RNGTT: variants seen among roughly 807,000 people sequenced by gnomAD.
RNGTT encodes mRNA-capping enzyme.
A neutral mutation model predicts 79.3 loss-of-function variants in RNGTT; 33 were observed. The ratio of observed to expected loss-of-function variants is 0.42; its 90% CI spans 0.32 to 0.56. The LOEUF (loss-of-function observed/expected upper bound fraction) is 0.56, where lower values mean the gene tolerates loss of function less well. Among genes scored for constraint, RNGTT ranks in the 20% least tolerant of loss-of-function variants. The probability of loss-of-function intolerance (pLI) is 0.17; values close to 1 mark genes in which losing one functional copy is unlikely to be tolerated. For synonymous variants in RNGTT, 222 were observed against 235.9 expected (o/e 0.94, Z 0.54); for missense variants, 497 against 739.1 (o/e 0.67, Z 3.80).
chr6:88,904,282 A>G (rs1332093082), intron 6 of RNGTT, among the ~76,000 whole-genome samples: 1 of 152,178 alleles, frequency 6.6e-6, no homozygotes, highest in Non-Finnish European at 1.5e-5. Context: ...GCTATTAAGA[A>G]CCTTTAAAGG....
chr6:88,851,315 T>C (rs1447083583), intron 9 of RNGTT, among the ~76,000 whole-genome samples: 1 of 151,952 alleles, frequency 6.6e-6, no homozygotes, highest in Non-Finnish European at 1.5e-5. Context: ...ACATGTTATA[T>C]AATTATTAGC....
intron 8 of RNGTT, among the ~76,000 whole-genome samples, chr6:88,881,050 C>G (rs961940837): frequency 1.3e-5 from 2 of 152,150 alleles, no homozygotes; most frequent in Non-Finnish European, 2.9e-5. Flanking sequence ...TGACTCCCCC[C>G]TCCTGGGGAA....
At chr6:88,661,260 T>C (rs566007403) in intron 14 of RNGTT, among the ~76,000 whole-genome samples, 2 of 151,330 alleles carry the variant, frequency 1.3e-5, no homozygotes, top group Non-Finnish European at 2.9e-5. Context: ...CCCAAGAAAC[T>C]AGAGAAACAA....
At chr6:88,747,306 C>T (rs943683150) in intron 13 of RNGTT, among the ~76,000 whole-genome samples, 4 of 152,148 alleles carry the variant, frequency 2.6e-5, no homozygotes, top group African/African-American at 7.2e-5. Context: ...AATTATAAAC[C>T]TCAACCTTTT....
At chr6:88,818,010 C>T (rs988273864) in intron 11 of RNGTT, among the ~76,000 whole-genome samples, 2 of 151,650 alleles carry the variant, frequency 1.3e-5, no homozygotes, top group Non-Finnish European at 2.9e-5. Flanking sequence ...CCGCCCGTCT[C>T]GGCCTCCCAA....
intron 14 of RNGTT, among the ~76,000 whole-genome samples, chr6:88,671,102 A>C (rs1167161402): frequency 2.0e-5 from 3 of 152,236 alleles, no homozygotes; most frequent in Non-Finnish European, 4.4e-5. Flanking sequence ...AGTCCTAGCC[A>C]GGGCAATCAG....
At chr6:88,735,097 C>G (rs1777240588) in intron 13 of RNGTT, among the ~76,000 whole-genome samples, 1 of 152,096 alleles carries the variant, frequency 6.6e-6, no homozygotes. Flanking sequence ...TGGAGTATTA[C>G]TTAATGATAA....
At chr6:88,944,432 T>C (rs562981672) in intron 1 of RNGTT, among the ~76,000 whole-genome samples, 1 of 152,248 alleles carries the variant, frequency 6.6e-6, no homozygotes, top group East Asian at 1.9e-4. Flanking sequence ...AGTTAATCTA[T>C]AAACCTTTCT....
intron 15 of RNGTT, 50 bp from the exon 16 acceptor site, chr6:88,612,932 G>T: frequency 1.9e-6 from 3 of 1,551,636 alleles, no homozygotes; most frequent in South Asian, 2.3e-5. Flanking sequence ...TAAGGCAGCT[G>T]ACTCACCACA....
At chr6:88,715,706 G>T (rs1776486135) in intron 13 of RNGTT, among the ~76,000 whole-genome samples, 1 of 152,122 alleles carries the variant, frequency 6.6e-6, no homozygotes, top group Admixed American at 6.6e-5. Flanking sequence ...ACAAAAACAA[G>T]AAATGGGGAA....
intron 13 of RNGTT, among the ~76,000 whole-genome samples, chr6:88,760,052 A>G (rs1454441239): frequency 6.6e-6 from 1 of 152,236 alleles, no homozygotes; most frequent in East Asian, 1.9e-4. Flanking sequence ...GTTAAAATGA[A>G]TATGAAAATT....
chr6:88,853,461 C>T (rs544315772), intron 9 of RNGTT, among the ~76,000 whole-genome samples, 168 bp downstream of exon 9: 13 of 150,968 alleles, frequency 8.6e-5, no homozygotes, highest in Middle Eastern at 3.4e-3. Flanking sequence ...ACCGAGATCC[C>T]GCCACTGCAC....
chr6:88,693,936 G>A (rs571889742), intron 13 of RNGTT, among the ~76,000 whole-genome samples: 4 of 152,148 alleles, frequency 2.6e-5, no homozygotes, highest in East Asian at 3.9e-4. Context: ...AAATAGGTAC[G>A]AATAAAATGT....
At chr6:88,926,968 C>CGTAA (rs1562039731) in intron 4 of RNGTT, among the ~76,000 whole-genome samples, 1 of 152,020 alleles carries the variant, frequency 6.6e-6, no homozygotes, top group African/African-American at 2.4e-5. Context: ...TTTTATCTTA[C>CGTAA]GTTCTCAATA....
At chr6:88,755,830 G>A (rs1047742293) in intron 13 of RNGTT, among the ~76,000 whole-genome samples, 4 of 151,376 alleles carry the variant, frequency 2.6e-5, no homozygotes, top group African/African-American at 4.9e-5. Flanking sequence ...GCATGGTGGC[G>A]GGCGCCTGTA....
At chr6:88,753,687 G>A (rs1777914045) in intron 13 of RNGTT, among the ~76,000 whole-genome samples, 1 of 151,742 alleles carries the variant, frequency 6.6e-6, no homozygotes, top group Admixed American at 6.6e-5. Context: ...TTAAATAATT[G>A]TTAAAAATAG....
intron 13 of RNGTT, among the ~76,000 whole-genome samples, chr6:88,713,573 T>G (rs1364879707): frequency 6.6e-6 from 1 of 152,192 alleles, no homozygotes. Context: ...TGTCTTATAT[T>G]GTGTATGTAT....
chr6:88,897,539 T>A (rs1783292926), intron 6 of RNGTT, among the ~76,000 whole-genome samples: 1 of 152,224 alleles, frequency 6.6e-6, no homozygotes, highest in Non-Finnish European at 1.5e-5. Flanking sequence ...CTTGAATTTA[T>A]CCCATACTAA....
At chr6:88,797,466 G>C (rs185650400) in intron 12 of RNGTT, among the ~76,000 whole-genome samples, 66 of 152,224 alleles carry the variant, frequency 4.3e-4, no homozygotes, top group Admixed American at 4.1e-3. Context: ...GGATGAAATA[G>C]TGAAAAGAAA....
Sources: gnomAD v4.1 joint callset for allele counts (sites outside exome capture counted in the v4.1 genomes callset) on GRCh38, gnomAD v4.1.1 for gene constraint, MANE v1.5 for transcripts, NCBI Gene and HGNC (gene_info 2026-07-23, HGNC 2026-07-21) for gene names.